TRIO: variants seen among roughly 807,000 people sequenced by gnomAD.
The protein encoded by TRIO is trio Rho guanine nucleotide exchange factor.
Under a neutral mutation model 351.9 loss-of-function variants are expected in TRIO, and 58 were observed. The ratio of observed to expected loss-of-function variants is 0.16; its 90% confidence interval spans 0.13 to 0.21. The LOEUF is 0.21. Ranked by LOEUF, TRIO falls within the 10% of genes least tolerant of loss-of-function variation. The pLI is 1.00. For synonymous variants in TRIO, 1,758 were observed against 1,595.7 expected (o/e 1.10, Z -2.42); for missense variants, 3,201 against 4,027.8 (o/e 0.79, Z 5.56).
rs774597492 is a variant in TRIO at position 14,488,046 on chromosome 5, TC to T, written c.7425del (p.Ser2476AlafsTer51). On this transcript the variant is annotated frameshift_variant, in exon 48 of 57. Coordinates refer to ENST00000344204, the MANE Select transcript of TRIO (RefSeq NM_007118.4). LOFTEE classifies it high-confidence loss of function. ...GTCCCTTCTCTCGGCAAGGAGCCCT[TC>T]CCCCCCAGCAGCCCCCTGCAGAAGG... ...SAVPSLGKEPFPPSSPLQKGG... is the reference protein window; with the variant it reads ...SAVPSLGKEPXPPSSPLQKGG... 3.7e-6 allele frequency: 6 copies of T among 1,606,848 alleles called. No homozygotes were observed. The highest frequency in any genetic ancestry group is 2.2e-5 in the East Asian group (1 of 44,594).
intron 30 of TRIO, among the ~76,000 whole-genome samples, 190 bp from the exon 31 acceptor site, chr5:14,400,773 G>T (rs890524992): frequency 6.6e-6 from 1 of 152,212 alleles, no homozygotes; most frequent in East Asian, 1.9e-4. Context: ...GGAAGCGAAG[G>T]ATGAAACCAG....
chr5:14,454,375 A>G (rs1364184879), intron 34 of TRIO, among the ~76,000 whole-genome samples: 1 of 152,234 alleles, frequency 6.6e-6, no homozygotes, highest in Non-Finnish European at 1.5e-5. Flanking sequence ...GTGAGAGATG[A>G]GTCGCTAGAA....
chr5:14,473,407 A>G (rs27118), intron 39 of TRIO, among the ~76,000 whole-genome samples: 86,244 of 152,092 alleles, frequency 0.57, 25,345 homozygotes, highest in East Asian at 0.81. Context: ...TGCATAACAC[A>G]AAAGATTTAA....
At chr5:14,156,349 G>C (rs374393050) in intron 1 of TRIO, among the ~76,000 whole-genome samples, 1 of 152,274 alleles carries the variant, frequency 6.6e-6, no homozygotes, top group South Asian at 2.1e-4. Flanking sequence ...GGCACTAAGC[G>C]TGCTCATTGC....
At chr5:14,257,726 A>T (rs73751319) in intron 1 of TRIO, among the ~76,000 whole-genome samples, 17,824 of 152,214 alleles carry the variant, frequency 0.12, 1,425 homozygotes, top group African/African-American at 0.22. Flanking sequence ...GTGGATTTTT[A>T]AAAATATGTC....
chr5:14,433,612 G>A (rs556535961), intron 34 of TRIO, among the ~76,000 whole-genome samples: 1 of 152,260 alleles, frequency 6.6e-6, no homozygotes, highest in East Asian at 1.9e-4. Context: ...CATTTCAGGG[G>A]CCCAGCATCC....
chr5:14,417,233 T>C (rs988255544), intron 33 of TRIO, among the ~76,000 whole-genome samples: 3 of 152,210 alleles, frequency 2.0e-5, no homozygotes, highest in South Asian at 2.1e-4. Flanking sequence ...GTTTGTAAGA[T>C]TGAGAAGGGG....
chr5:14,213,585 A>C (rs893053272), intron 1 of TRIO, among the ~76,000 whole-genome samples: 1 of 152,176 alleles, frequency 6.6e-6, no homozygotes, highest in African/African-American at 2.4e-5. Flanking sequence ...GAGTGGGAAA[A>C]GTATTTCTAT....
intron 33 of TRIO, among the ~76,000 whole-genome samples, chr5:14,411,038 A>G (rs1749156202): frequency 6.6e-6 from 1 of 152,180 alleles, no homozygotes; most frequent in South Asian, 2.1e-4. Context: ...TTCTTATCTC[A>G]TCTGTCCTGA....
chr5:14,477,175 G>A lies in TRIO; in HGVS notation c.6153+212G>A, dbSNP rs115576789. The stretch of plus-strand genomic sequence containing the variant: ...GTCACCTGGCTGAAGCTGGCTATTT[G>A]GCTAGCAACAGTACAGGTTGGTGAG... On this transcript the variant is annotated intron_variant, in intron 41 of 56. Coordinates refer to ENST00000344204, the MANE Select transcript of TRIO (RefSeq NM_007118.4). 4.5e-4 allele frequency: 238 copies of A among 528,850 alleles called. 2 individuals carry two copies. The highest frequency in any genetic ancestry group is 4.4e-3 in the African/African-American group (230 of 52,218). The allele number at this position is 528,850 out of a possible 1,614,324, so 32.8% of individuals were successfully genotyped here.
intron 36 of TRIO, among the ~76,000 whole-genome samples, chr5:14,463,752 CT>C (rs1007156359): frequency 6.6e-6 from 1 of 151,922 alleles, no homozygotes; most frequent in Admixed American, 6.6e-5. Context: ...CCATGCTTCC[CT>C]TTTTCCTTCC....
At chr5:14,427,774 A>G (rs1486334400) in intron 34 of TRIO, among the ~76,000 whole-genome samples, 1 of 152,118 alleles carries the variant, frequency 6.6e-6, no homozygotes, top group Admixed American at 6.5e-5. Context: ...TGAGCCAGGG[A>G]AGCCGAGCCT....
chr5:14,435,357 A>C (rs749490214), intron 34 of TRIO, among the ~76,000 whole-genome samples: 1 of 152,190 alleles, frequency 6.6e-6, no homozygotes, highest in Non-Finnish European at 1.5e-5. Context: ...AGGCTCCACC[A>C]CAATGTGCAG....
At chr5:14,217,031 G>A (rs1328459706) in intron 1 of TRIO, among the ~76,000 whole-genome samples, 1 of 152,202 alleles carries the variant, frequency 6.6e-6, no homozygotes, top group Non-Finnish European at 1.5e-5. Flanking sequence ...GCAGGGCCAA[G>A]TGGTCTGGTA....
intron 1 of TRIO, among the ~76,000 whole-genome samples, chr5:14,157,310 C>G (rs1002572957): frequency 1.3e-5 from 2 of 152,186 alleles, no homozygotes; most frequent in Non-Finnish European, 2.9e-5. Flanking sequence ...CAGTCAGTCC[C>G]AGAAATCATG....
intron 34 of TRIO, among the ~76,000 whole-genome samples, chr5:14,453,147 G>T (rs1484822443): frequency 6.6e-6 from 1 of 151,982 alleles, no homozygotes; most frequent in Non-Finnish European, 1.5e-5. Flanking sequence ...AGCCATCTAT[G>T]TAAGGATTTT....
intron 26 of TRIO, chr5:14,390,610 A>G (rs1285403451): frequency 3.8e-6 from 2 of 530,668 alleles, no homozygotes; most frequent in African/African-American, 1.9e-5. Flanking sequence ...GGGGAGGCAG[A>G]CAGGTGAACG....
At chr5:14,156,543 A>G (rs565610210) in intron 1 of TRIO, among the ~76,000 whole-genome samples, 114 of 152,276 alleles carry the variant, frequency 7.5e-4, no homozygotes, top group African/African-American at 2.5e-3. Context: ...TCCAATTCCA[A>G]TACAGTACCA....
chr5:14,464,657 C>T (rs778015024), intron 36 of TRIO, among the ~76,000 whole-genome samples: 3 of 152,154 alleles, frequency 2.0e-5, no homozygotes, highest in Non-Finnish European at 4.4e-5. Context: ...TTGACCCACA[C>T]GTGTAAAAGC....
Sources: allele counts gnomAD v4.1 joint callset (sites outside exome capture counted in the v4.1 genomes callset), GRCh38; gene constraint gnomAD v4.1.1; transcripts MANE v1.5; gene names NCBI Gene and HGNC (gene_info 2026-07-23, HGNC 2026-07-21).